The following ADCY2 variants were observed in gnomAD, a reference collection of about 807,000 sequenced individuals.
ADCY2 encodes adenylate cyclase 2, also known as adenylate cyclase type 2.
Under a neutral mutation model 125.2 loss-of-function variants are expected in ADCY2, and 31 were observed. The ratio of observed to expected loss-of-function variants is 0.25; its 90% CI spans 0.19 to 0.33. ADCY2 has a LOEUF of 0.33. Among genes scored for constraint, ADCY2 ranks in the 10% least tolerant of loss-of-function variants. ADCY2 has a pLI of 1.00. For synonymous variants in ADCY2, 512 were observed against 548.4 expected (o/e 0.93, Z 0.93); for missense variants, 904 against 1,418.2 (o/e 0.64, Z 5.82).
rs1184012835 is a variant in ADCY2, at chr5:7,414,689, C to T, written c.327C>T (p.Phe109=). ...ESVFKKLLRL[F]SLVIWICLVA... ...TGTTTAAGAAGCTGCTGCGCCTCTT[C>T]TCGTTGGTGATATGGATATGCCTTG... The change falls in exon 2 of 25, where the codon TTC becomes TTT. Residue 109 remains phenylalanine (F), a synonymous_variant. Coordinates refer to ENST00000338316, the MANE Select transcript of ADCY2 (RefSeq NM_020546.3). 4 of 1,613,872 alleles carry T rather than the reference C, an allele frequency of 2.5e-6. No homozygotes were observed. Among genetic ancestry groups the T allele is most frequent in the Middle Eastern group, 1.6e-4 (1 of 6,084 alleles).
chr5:7,641,498 T>A (rs1181703707), intron 4 of ADCY2, among the ~76,000 whole-genome samples: 1 of 152,140 alleles, frequency 6.6e-6, no homozygotes, highest in Non-Finnish European at 1.5e-5. Context: ...TATATATATA[T>A]CTCTTGCAAG....
At chr5:7,745,023 T>G (rs1338923008) in intron 15 of ADCY2, among the ~76,000 whole-genome samples, 1 of 152,146 alleles carries the variant, frequency 6.6e-6, no homozygotes, top group African/African-American at 2.4e-5. Context: ...TATGAAAGAA[T>G]TTTTTCTCAT....
At chr5:7,600,705 A>G (rs1737170933) in intron 3 of ADCY2, among the ~76,000 whole-genome samples, 1 of 152,196 alleles carries the variant, frequency 6.6e-6, no homozygotes. Context: ...TCAGTGATTC[A>G]TGACTGGCTG....
Position 7,732,388 on chromosome 5 carries a change from G to A in ADCY2, c.1871+5127G>A, listed in dbSNP as rs115976132. Reference sequence around the variant, plus strand: ...TATTCAAGAGTTCAGTTCTAATTTCGTGTTAGTCAAATGCCTGGGAGCATC... The same window carrying A: ...TATTCAAGAGTTCAGTTCTAATTTCATGTTAGTCAAATGCCTGGGAGCATC... On this transcript the variant is annotated intron_variant, in intron 14 of 24. Coordinates refer to ENST00000338316, the MANE Select transcript of ADCY2 (RefSeq NM_020546.3). Among the ~76,000 whole-genome samples the A allele has an allele frequency of 5.7e-3, 873 of 152,172 alleles. 8 individuals are homozygous for A. The highest frequency in any genetic ancestry group is 0.02 in the African/African-American group (832 of 41,494).
At chr5:7,611,381 C>T (rs766717495) in intron 3 of ADCY2, among the ~76,000 whole-genome samples, 2 of 152,050 alleles carry the variant, frequency 1.3e-5, no homozygotes, top group East Asian at 1.9e-4. Flanking sequence ...CTAGTGTGCC[C>T]ACTCTTTATT....
chr5:7,803,765 T>A (rs1744673141), intron 21 of ADCY2, among the ~76,000 whole-genome samples: 1 of 151,938 alleles, frequency 6.6e-6, no homozygotes, highest in Admixed American at 6.6e-5. Context: ...CTGCACATGG[T>A]AGTGTATGCC....
intron 3 of ADCY2, among the ~76,000 whole-genome samples, chr5:7,555,562 G>A (rs1378698717): frequency 6.6e-6 from 1 of 152,088 alleles, no homozygotes; most frequent in East Asian, 1.9e-4. Flanking sequence ...AATTGTATAT[G>A]TCCATAGTCA....
In ADCY2 at chr5:7,644,595, A is replaced by G. The variant is rs1440894794; in HGVS notation, c.720+18279A>G. ...TGAGTTTCAGATCTATATTTCATTA[A>G]CACCATAAACTCAGAATGTTCAAAC... On this transcript the variant is annotated intron_variant, in intron 4 of 24. Coordinates refer to ENST00000338316, the MANE Select transcript of ADCY2 (RefSeq NM_020546.3). Among the ~76,000 whole-genome samples the G allele has an allele frequency of 2.6e-5, 4 of 152,224 alleles. No individual in the cohort carries two copies. The East Asian group carries it at 7.7e-4, about 29-fold the overall frequency.
At position 7,709,261 on chromosome 5, in the gene ADCY2, T is replaced by C. The variant is rs556447734; in HGVS notation, c.1452T>C (p.Asp484=). ...QHLFRPRHTL[D]GAKMRASVRM... is the part of the protein sequence containing the mutation. ...TCTTCAGACCTCGCCACACCCTTGA[T>C]GGAGCCAAAATGAGGGCCTCGGTCC... The change falls in exon 10 of 25, where the codon GAT becomes GAC. Residue 484 remains aspartate (D), a synonymous_variant. Transcript: ENST00000338316. This position sits in a 1 kb window ranked among gnomAD's most constrained non-coding sequence, Gnocchi z 4.4. 2 of 1,613,928 alleles carry C rather than the reference T, an allele frequency of 1.2e-6. No individual in the cohort carries two copies. The highest frequency in any genetic ancestry group is 2.2e-5 in the South Asian group (2 of 91,030).
At position 7,555,253 on chromosome 5, in the gene ADCY2, G is replaced by A. The variant is rs186173784; in HGVS notation, c.570+34354G>A. ...TAGATGCATCTTGCACTCAGTTACC[G>A]CCATTCATTCGTTCAGCAAACATCC... On this transcript the variant is annotated intron_variant, in intron 3 of 24. Coordinates refer to ENST00000338316, the MANE Select transcript of ADCY2 (RefSeq NM_020546.3). 4.6e-5 allele frequency among the ~76,000 whole-genome samples: 7 copies of A among 152,290 alleles called. No individual in the cohort carries two copies. In the East Asian group the frequency reaches 9.6e-4, roughly 21 times the overall value.
chr5:7,773,793 C>T (rs995550275), intron 18 of ADCY2, among the ~76,000 whole-genome samples: 2 of 152,148 alleles, frequency 1.3e-5, no homozygotes, highest in Admixed American at 6.5e-5. Flanking sequence ...ATGATTCTAC[C>T]AGGTGTACTC....
intron 3 of ADCY2, among the ~76,000 whole-genome samples, chr5:7,537,257 T>C (rs1561080703): frequency 6.6e-6 from 1 of 152,258 alleles, no homozygotes; most frequent in Non-Finnish European, 1.5e-5. Context: ...TTTTGATTTA[T>C]ACATAATTTA....
chr5:7,558,526 T>TG, intron 3 of ADCY2, among the ~76,000 whole-genome samples: 1 of 152,300 alleles, frequency 6.6e-6, no homozygotes, highest in East Asian at 1.9e-4. Context: ...CACTTTTTAA[T>TG]GGGGTGGTTT....
chr5:7,671,026 A>G (rs891327440), intron 4 of ADCY2, among the ~76,000 whole-genome samples: 5 of 152,200 alleles, frequency 3.3e-5, no homozygotes, highest in African/African-American at 1.2e-4. Flanking sequence ...GAGGAAATCA[A>G]TCTTTAATGT....
At chr5:7,810,679 T>G (rs1240371444) in intron 22 of ADCY2, among the ~76,000 whole-genome samples, 1 of 152,190 alleles carries the variant, frequency 6.6e-6, no homozygotes, top group East Asian at 1.9e-4. Flanking sequence ...GTTATCTGTT[T>G]GATTGGTGGG....
intron 3 of ADCY2, among the ~76,000 whole-genome samples, chr5:7,541,659 C>G (rs1001390813): frequency 6.6e-6 from 1 of 152,172 alleles, no homozygotes; most frequent in Non-Finnish European, 1.5e-5. Context: ...TCTAACTGCC[C>G]TGCATTTGAG....
chr5:7,696,703 A>G (rs1182198443), intron 6 of ADCY2, among the ~76,000 whole-genome samples: 1 of 152,220 alleles, frequency 6.6e-6, no homozygotes, highest in African/African-American at 2.4e-5. Flanking sequence ...CTTTTAAACA[A>G]GACAGAACAT....
chr5:7,575,406 G>A (rs764092143), intron 3 of ADCY2, among the ~76,000 whole-genome samples: 4 of 152,120 alleles, frequency 2.6e-5, no homozygotes, highest in East Asian at 1.9e-4. Flanking sequence ...TCAAGAAACA[G>A]TAATGTATGA....
chr5:7,648,791 C>T (rs984372665), intron 4 of ADCY2, among the ~76,000 whole-genome samples: 1 of 152,108 alleles, frequency 6.6e-6, no homozygotes. Context: ...TGAAGTGAGT[C>T]ATTTCTTTCA....
Sources: allele counts gnomAD v4.1 joint callset (sites outside exome capture counted in the v4.1 genomes callset), GRCh38; gene constraint gnomAD v4.1.1; non-coding constraint Gnocchi (gnomAD v3.1); transcripts MANE v1.5; gene names NCBI Gene and HGNC (gene_info 2026-07-23, HGNC 2026-07-21).